KCNQ3: variants seen among roughly 807,000 people sequenced by gnomAD.
KCNQ3 encodes the protein potassium voltage-gated channel subfamily KQT member 3.
A neutral mutation model predicts 92.5 loss-of-function variants in KCNQ3; 30 were observed. That is an observed-to-expected ratio of 0.32 (90% CI 0.24 to 0.44). The LOEUF is 0.44. Among genes scored for constraint, KCNQ3 ranks in the 20% least tolerant of loss-of-function variants. KCNQ3 has a pLI of 1.00. For missense variants in KCNQ3, 913 were observed against 1,140.3 expected, an observed-to-expected ratio of 0.80 and a Z score of 2.87; for synonymous variants, 450 against 468.8, an observed-to-expected ratio of 0.96 and a Z score of 0.52.
intron 1 of KCNQ3, among the ~76,000 whole-genome samples, chr8:132,226,791 C>T (rs935077512): frequency 6.6e-6 from 1 of 152,118 alleles, no homozygotes; most frequent in African/African-American, 2.4e-5. Context: ...TGAACATGGC[C>T]TGGCTGGGGA....
chr8:132,168,893 G>A (rs951371523), intron 8 of KCNQ3, among the ~76,000 whole-genome samples: 2 of 151,750 alleles, frequency 1.3e-5, no homozygotes, highest in Non-Finnish European at 2.9e-5. Flanking sequence ...TTTGAGGCAG[G>A]TTCCAGCCCC....
intron 1 of KCNQ3, among the ~76,000 whole-genome samples, chr8:132,354,312 C>T (rs554565351): frequency 6.6e-6 from 1 of 152,338 alleles, no homozygotes; most frequent in South Asian, 2.1e-4. Flanking sequence ...TACATACATA[C>T]ACTAGCATGC....
chr8:132,144,156 C>T (rs905821239), intron 9 of KCNQ3, among the ~76,000 whole-genome samples: 5 of 152,212 alleles, frequency 3.3e-5, no homozygotes, highest in Non-Finnish European at 7.3e-5. Flanking sequence ...TTGTTTTGGC[C>T]ACGTTCACTT....
At chr8:132,149,813 C>T (rs568811952) in intron 9 of KCNQ3, among the ~76,000 whole-genome samples, 24 of 152,276 alleles carry the variant, frequency 1.6e-4, no homozygotes, top group Middle Eastern at 3.4e-3. Flanking sequence ...GTATGAGCCA[C>T]AACTGCTGCC....
chr8:132,175,733 CCTT>C (rs1826527059), intron 4 of KCNQ3, 125 bp from the exon 5 acceptor site: 3 of 839,432 alleles, frequency 3.6e-6, no homozygotes, highest in Non-Finnish European at 4.0e-6. Flanking sequence ...AAATCACTCA[CCTT>C]CTCTGATCTT....
chr8:132,475,431 G>T (rs1233122365), intron 1 of KCNQ3, among the ~76,000 whole-genome samples: 1 of 152,204 alleles, frequency 6.6e-6, no homozygotes, highest in Non-Finnish European at 1.5e-5. Flanking sequence ...TATGGACAAT[G>T]AAGTCCAGGC....
intron 1 of KCNQ3, among the ~76,000 whole-genome samples, chr8:132,250,270 A>C (rs1003399646): frequency 2.6e-5 from 4 of 152,200 alleles, no homozygotes; most frequent in Admixed American, 2.0e-4. Flanking sequence ...GACTACATGG[A>C]GAAAAGCAGA....
At chr8:132,154,647 G>GGAGTTT (rs1554624649) in intron 9 of KCNQ3, among the ~76,000 whole-genome samples, 1 of 152,214 alleles carries the variant, frequency 6.6e-6, no homozygotes, top group Non-Finnish European at 1.5e-5. Flanking sequence ...GCTGCAGGAA[G>GGAGTTT]TTTGTGCCGC....
chr8:132,480,241 T>C lies in KCNQ3; in HGVS notation c.292A>G (p.Lys98Glu), dbSNP rs1439616512. ...LAKTPLSRPV[K>E]RNNAKYRRIQ... ...CGCCGGTACTTGGCGTTGTTTCTCT[T>C]GACTGGGCGGCTCAGCGGGGTCTTG... The change falls in exon 1 of 15, where the codon AAG becomes GAG. Residue 98 changes from lysine (K) to glutamate (E), a missense_variant. By Grantham distance (56) the Lys-to-Glu change is moderately conservative. Coordinates refer to ENST00000388996, the MANE Select transcript of KCNQ3 (RefSeq NM_004519.4). 2 of 1,613,128 alleles carry C rather than the reference T, an allele frequency of 1.2e-6. No homozygotes were observed. Among genetic ancestry groups the C allele is most frequent in the African/African-American group, 1.3e-5 (1 of 74,894 alleles).
At chr8:132,269,831 T>A (rs1816098013) in intron 1 of KCNQ3, among the ~76,000 whole-genome samples, 1 of 152,162 alleles carries the variant, frequency 6.6e-6, no homozygotes, top group South Asian at 2.1e-4. Flanking sequence ...ACAACCAGAC[T>A]TTGTTCAAGA....
chr8:132,190,214 A>G (rs1343657826), intron 1 of KCNQ3, among the ~76,000 whole-genome samples: 2 of 152,130 alleles, frequency 1.3e-5, no homozygotes, highest in African/African-American at 4.8e-5. Flanking sequence ...GAAAGATTCA[A>G]GTTGTGTGTA....
Position 132,425,694 on chromosome 8 carries a change from G to T in KCNQ3, c.386+54453C>A, listed in dbSNP as rs553716921. Among the ~76,000 whole-genome samples the T allele has an allele frequency of 3.9e-5, 6 of 152,202 alleles. No individual in the cohort carries two copies. The East Asian group carries it at 1.2e-3, about 29-fold the overall frequency. ...TTTGTTGTTTCAAGGAACTCCTGGG[G>T]GACTCCTGCTGTAAGGCTTAAGATC... On this transcript the variant is annotated intron_variant, in intron 1 of 14. Transcript: ENST00000388996.
intron 12 of KCNQ3, among the ~76,000 whole-genome samples, chr8:132,136,644 ACAT>A (rs1016372335): frequency 6.6e-6 from 1 of 152,154 alleles, no homozygotes; most frequent in African/African-American, 2.4e-5. Flanking sequence ...ATATTAGTTA[ACAT>A]CATCACAAGG....
At chr8:132,382,589 C>T (rs1039879363) in intron 1 of KCNQ3, among the ~76,000 whole-genome samples, 1 of 152,164 alleles carries the variant, frequency 6.6e-6, no homozygotes, top group Non-Finnish European at 1.5e-5. Context: ...AAGACAAATA[C>T]TGTAAAATTT....
At chr8:132,225,585 T>C (rs1814385405) in intron 1 of KCNQ3, among the ~76,000 whole-genome samples, 3 of 152,222 alleles carry the variant, frequency 2.0e-5, no homozygotes, top group Non-Finnish European at 2.9e-5. Context: ...AGCCTGCTAA[T>C]ACCATCTTGC....
rs537246926 is a variant in KCNQ3 at position 132,141,028 on chromosome 8, A to G, written c.1465+101T>C. ...GGGAAGGGAGAGAGTTACCTTGTGGAGTCAAAGGTTCTTAAGTGGGCAAAG... is the reference window on the plus strand; with the variant it reads ...GGGAAGGGAGAGAGTTACCTTGTGGGGTCAAAGGTTCTTAAGTGGGCAAAG... On this transcript the variant is annotated intron_variant, in intron 10 of 14. Transcript: ENST00000388996. The G allele has an allele frequency of 2.3e-4, 237 of 1,043,608 alleles. 2 individuals are homozygous for G. In the African/African-American group the frequency reaches 3.3e-3, roughly 15 times the overall value. The allele number at this position is 1,043,608 out of a possible 1,614,324, so 64.6% of individuals were successfully genotyped here. A position where few individuals can be genotyped will look rare whatever the true frequency, so the allele number is the denominator to read the frequency against.
chr8:132,347,327 G>T (rs981729565), intron 1 of KCNQ3, among the ~76,000 whole-genome samples: 4 of 152,172 alleles, frequency 2.6e-5, no homozygotes, highest in African/African-American at 9.7e-5. Flanking sequence ...GCATGATGAT[G>T]CGATGGCAAT....
intron 1 of KCNQ3, among the ~76,000 whole-genome samples, chr8:132,366,943 C>A (rs1819338609): frequency 6.6e-6 from 1 of 151,942 alleles, no homozygotes; most frequent in African/African-American, 2.4e-5. Flanking sequence ...GTTTTGGGAT[C>A]AATATTATAA....
At chr8:132,255,998 C>G (rs946336370) in intron 1 of KCNQ3, among the ~76,000 whole-genome samples, 1 of 151,960 alleles carries the variant, frequency 6.6e-6, no homozygotes, top group African/African-American at 2.4e-5. Context: ...AAAAAACAGT[C>G]AACAGAAAAT....
Sources: gnomAD v4.1 joint callset for allele counts (sites outside exome capture counted in the v4.1 genomes callset) on GRCh38, gnomAD v4.1.1 for gene constraint, MANE v1.5 for transcripts, NCBI Gene and HGNC (gene_info 2026-07-23, HGNC 2026-07-21) for gene names.